KLHL25: variants seen among roughly 807,000 people sequenced by gnomAD.
The protein encoded by KLHL25 is kelch-like protein 25.
Under a neutral mutation model 30.0 loss-of-function variants are expected in KLHL25, and 41 were observed. The observed-to-expected ratio is 1.37, with a 90% CI of 1.07 to 1.78. The LOEUF (loss-of-function observed/expected upper bound fraction) is 1.78, where lower values mean the gene tolerates loss of function less well. Ranked by LOEUF, KLHL25 falls within the 40% of genes most tolerant of loss-of-function variation. The pLI, the probability that KLHL25 is intolerant of heterozygous loss-of-function variation, is 0.00. For missense variants in KLHL25, 971 were observed against 824.5 expected (o/e 1.18, Z -2.18); for synonymous variants, 399 against 355.3 (o/e 1.12, Z -1.38).
At chr15:85,773,849 C>T (rs2089693112) in intron 1 of KLHL25, among the ~76,000 whole-genome samples, 1 of 152,070 alleles carries the variant, frequency 6.6e-6, no homozygotes, top group South Asian at 2.1e-4. Flanking sequence ...CTGGTCCGCC[C>T]CCTTTTGCTG....
intron 1 of KLHL25, among the ~76,000 whole-genome samples, chr15:85,776,958 G>C (rs1597277657): frequency 6.6e-6 from 1 of 152,020 alleles, no homozygotes; most frequent in African/African-American, 2.4e-5. Context: ...ATAAATAACA[G>C]ATCTGACACT....
Position 85,768,411 on chromosome 15 carries a change from G to A in KLHL25, c.1400C>T (p.Pro467Leu). The A allele has an allele frequency of 6.2e-7, 1 of 1,613,590 alleles. No individual in the cohort carries two copies. Among genetic ancestry groups the A allele is most frequent in the South Asian group, 1.1e-5 (1 of 91,072 alleles). Reference protein sequence around the residue: ...DMVSKVQCYDPSENRWTIKAE... With the variant: ...DMVSKVQCYDLSENRWTIKAE... ...CTTGATCGTCCACCTGTTCTCCGAGGGGTCATAGCACTGGACCTTGGACAC... is the reference window on the plus strand; with the variant it reads ...CTTGATCGTCCACCTGTTCTCCGAGAGGTCATAGCACTGGACCTTGGACAC... The change falls in exon 2 of 3, where the codon CCC (proline) becomes CTC (leucine). Residue 467 changes from proline to leucine, a missense_variant. Pro to Leu is a moderately conservative substitution (Grantham distance 98). Coordinates refer to ENST00000337975, the MANE Select transcript of KLHL25 (RefSeq NM_022480.4).
chr15:85,762,446 GCTGGGTCCCTT>G (rs2089589351), intron 2 of KLHL25: 1 of 7,230 alleles, frequency 1.4e-4, no homozygotes, highest in Non-Finnish European at 6.3e-4. Context: ...TCCCTCTCAG[GCTGGGTCCCTT>G]TGTTCCCTCT....
Position 85,768,775 on chromosome 15 carries a change from C to T in KLHL25, c.1036G>A (p.Gly346Arg), listed in dbSNP as rs754716076. 5 of 1,612,996 alleles carry T rather than the reference C, an allele frequency of 3.1e-6. No homozygotes were observed. Among genetic ancestry groups the T allele is most frequent in the South Asian group, 1.1e-5 (1 of 91,086 alleles). ...SAIGCKVYVTGGRGSENGVSK... is the reference protein window; with the variant it reads ...SAIGCKVYVTRGRGSENGVSK... ...ACCCCGTTCTCGGAGCCCCTGCCCC[C>T]CGTCACATAGACCTTGCAGCCGATC... The change falls in exon 2 of 3, where the codon GGG (glycine) becomes AGG (arginine). Residue 346 changes from glycine (G) to arginine (R), a missense_variant. Transcript: ENST00000337975.
chr15:85,767,991 G>A (rs757301181), intron 2 of KLHL25, 26 bp downstream of exon 2: 4 of 1,474,102 alleles, frequency 2.7e-6, no homozygotes, highest in Non-Finnish European at 3.7e-6. Flanking sequence ...CGGACCCAGA[G>A]TGGCCGTGGG....
intron 1 of KLHL25, among the ~76,000 whole-genome samples, chr15:85,793,661 T>C (rs1254096223): frequency 6.6e-6 from 1 of 152,174 alleles, no homozygotes; most frequent in East Asian, 1.9e-4. Flanking sequence ...ATACAGACCG[T>C]GGAATCCTGC....
chr15:85,760,098 G>A lies in KLHL25; in HGVS notation c.*938C>T, dbSNP rs1462738966. 1.3e-5 allele frequency: 2 copies of A among 152,196 alleles called. No individual in the cohort carries two copies. The highest frequency in any genetic ancestry group is 4.8e-5 in the African/African-American group (2 of 41,446). 9.4% of individuals were successfully genotyped at this position (152,196 alleles called of 1,614,324 possible). ...CTGTCCTCCACACTGAGATGGATGC[G>A]GCCCTGGTGGGATCTGCAGGGGACA... is the stretch of plus-strand genomic sequence containing the variant. On this transcript the variant is annotated 3_prime_UTR_variant, in exon 3 of 3. Coordinates refer to ENST00000337975, the MANE Select transcript of KLHL25 (RefSeq NM_022480.4).
intron 1 of KLHL25, among the ~76,000 whole-genome samples, chr15:85,780,136 G>C (rs147467852): frequency 6.6e-6 from 1 of 152,302 alleles, no homozygotes; most frequent in East Asian, 1.9e-4. Flanking sequence ...AACCCCCTCA[G>C]GTTGGGGGTG....
rs1270394646 is a variant in KLHL25, at chr15:85,789,689, C to T, written c.-11+5077G>A. The stretch of plus-strand genomic sequence containing the variant: ...AGAGGGGGTCATCCTGGTGCTCCCA[C>T]GAACTGCTGCCCAGCTCCCTGCCCA... On this transcript the variant is annotated intron_variant, in intron 1 of 2. Coordinates refer to ENST00000337975, the MANE Select transcript of KLHL25 (RefSeq NM_022480.4). This position sits in a 1 kb window ranked among gnomAD's most constrained non-coding sequence, Gnocchi z 4.1. Among the ~76,000 whole-genome samples, 1 of 152,148 alleles carries T rather than the reference C, an allele frequency of 6.6e-6. No individual in the cohort carries two copies. The highest frequency in any genetic ancestry group is 1.5e-5 in the Non-Finnish European group (1 of 68,026).
At chr15:85,775,047 TTG>T (rs1297892284) in intron 1 of KLHL25, among the ~76,000 whole-genome samples, 2 of 152,036 alleles carry the variant, frequency 1.3e-5, no homozygotes, top group African/African-American at 4.8e-5. Flanking sequence ...CGGCTAATTT[TTG>T]TATTTTTACT....
At chr15:85,780,594 A>C (rs2089736961) in intron 1 of KLHL25, among the ~76,000 whole-genome samples, 2 of 152,240 alleles carry the variant, frequency 1.3e-5, no homozygotes, top group South Asian at 4.1e-4. Context: ...ACAGAACAAA[A>C]AAAGAACAAA....
At chr15:85,781,962 G>C (rs1028751188) in intron 1 of KLHL25, among the ~76,000 whole-genome samples, 1 of 151,914 alleles carries the variant, frequency 6.6e-6, no homozygotes, top group African/African-American at 2.4e-5. Context: ...CCCACTGCTG[G>C]CTGCCTCCCT....
At chr15:85,776,346 G>C (rs976114610) in intron 1 of KLHL25, among the ~76,000 whole-genome samples, 1 of 151,812 alleles carries the variant, frequency 6.6e-6, no homozygotes, top group African/African-American at 2.4e-5. Flanking sequence ...AAAATTAGCT[G>C]GGCATGGTGG....
intron 1 of KLHL25, among the ~76,000 whole-genome samples, chr15:85,781,924 G>T (rs968890691): frequency 1.3e-5 from 2 of 152,018 alleles, no homozygotes; most frequent in East Asian, 3.9e-4. Flanking sequence ...TGCTGTCACC[G>T]GAGGCAGCTG....
chr15:85,769,603 A>G lies in KLHL25; in HGVS notation c.208T>C (p.Tyr70His). The stretch of plus-strand genomic sequence containing the variant: ...CCATGGCTGAACATGGCCTCAAAAT[A>G]GCGGCTAGAGGCGGCCAGCACGGCA... ...HRAVLAASSR[Y>H]FEAMFSHGLR... The change falls in exon 2 of 3, where the codon TAT (tyrosine) becomes CAT (histidine). Residue 70 changes from tyrosine (Y) to histidine (H), a missense_variant. Transcript: ENST00000337975. The G allele has an allele frequency of 1.2e-6, 2 of 1,613,480 alleles. No homozygotes were observed. Among genetic ancestry groups the G allele is most frequent in the African/African-American group, 1.3e-5 (1 of 75,058 alleles).
At chr15:85,793,646 C>G (rs1313730456) in intron 1 of KLHL25, among the ~76,000 whole-genome samples, 1 of 152,194 alleles carries the variant, frequency 6.6e-6, no homozygotes, top group East Asian at 1.9e-4. Context: ...GGAATCTGGT[C>G]CAGGATACAG....
At chr15:85,794,307 G>C (rs2089836897) in intron 1 of KLHL25, among the ~76,000 whole-genome samples, 1 of 152,194 alleles carries the variant, frequency 6.6e-6, no homozygotes, top group African/African-American at 2.4e-5. Flanking sequence ...TGTGAACCCC[G>C]GGCCCTCGCT....
At chr15:85,773,240 G>C (rs1280261408) in intron 1 of KLHL25, among the ~76,000 whole-genome samples, 2 of 152,166 alleles carry the variant, frequency 1.3e-5, no homozygotes, top group Admixed American at 6.5e-5. Flanking sequence ...TTGATGGCAT[G>C]GACCTGTCCA....
chr15:85,786,766 G>C (rs1015554796), intron 1 of KLHL25, among the ~76,000 whole-genome samples: 1 of 152,214 alleles, frequency 6.6e-6, no homozygotes, highest in African/African-American at 2.4e-5. Flanking sequence ...GGATATGCTG[G>C]CTGTTTAGAA....
Sources: allele counts gnomAD v4.1 joint callset (sites outside exome capture counted in the v4.1 genomes callset), GRCh38; gene constraint gnomAD v4.1.1; non-coding constraint Gnocchi (gnomAD v3.1); transcripts MANE v1.5; gene names NCBI Gene and HGNC (gene_info 2026-07-23, HGNC 2026-07-21).